The following B3GALT1 variants were observed in gnomAD, a reference collection of about 807,000 sequenced individuals.
B3GALT1 encodes UDP-Gal:betaGlcNAc beta 1,3-galactosyltransferase, polypeptide 1.
Under a neutral mutation model 23.2 loss-of-function variants are expected in B3GALT1, and 10 were observed. The observed-to-expected ratio is 0.43, with a 90% confidence interval of 0.27 to 0.73. The LOEUF is 0.73. Among genes scored for constraint, B3GALT1 ranks in the 30% least tolerant of loss-of-function variants. The pLI is 0.21. For synonymous variants in B3GALT1, 156 were observed against 141.5 expected, an observed-to-expected ratio of 1.10 and a Z score of -0.73; for missense variants, 299 against 405.4, an observed-to-expected ratio of 0.74 and a Z score of 2.25.
chr2:167,685,612 G>A (rs926456757), intron 3 of B3GALT1, among the ~76,000 whole-genome samples: 11 of 152,130 alleles, frequency 7.2e-5, no homozygotes, highest in African/African-American at 2.7e-4. Context: ...ATGGAAACAG[G>A]CTGAAGGTAG....
chr2:167,586,456 T>C (rs1684586881), intron 2 of B3GALT1, among the ~76,000 whole-genome samples: 1 of 152,144 alleles, frequency 6.6e-6, no homozygotes, highest in Admixed American at 6.5e-5. Flanking sequence ...CCCGTCACCA[T>C]GCCTGGTTAA....
At chr2:167,678,343 C>T (rs1686465306) in intron 3 of B3GALT1, among the ~76,000 whole-genome samples, 1 of 152,030 alleles carries the variant, frequency 6.6e-6, no homozygotes, top group Non-Finnish European at 1.5e-5. Flanking sequence ...TGATAGTGTC[C>T]CCATTTTACA....
chr2:167,722,514 C>T (rs1687250431), intron 3 of B3GALT1, among the ~76,000 whole-genome samples: 1 of 152,074 alleles, frequency 6.6e-6, no homozygotes, highest in Non-Finnish European at 1.5e-5. Flanking sequence ...TTTTAATTAA[C>T]TTTCTATGTC....
intron 2 of B3GALT1, among the ~76,000 whole-genome samples, chr2:167,562,248 AT>A (rs1471808205): frequency 6.6e-6 from 1 of 152,252 alleles, no homozygotes; most frequent in Non-Finnish European, 1.5e-5. Flanking sequence ...CTTTGACAAA[AT>A]TCAACAACCC....
At chr2:167,818,493 T>G (rs1380852504) in intron 3 of B3GALT1, among the ~76,000 whole-genome samples, 179 bp from the exon 4 acceptor site, 1 of 152,168 alleles carries the variant, frequency 6.6e-6, no homozygotes, top group Non-Finnish European at 1.5e-5. Flanking sequence ...GAGGTTAATT[T>G]CTTCATTCTT....
At chr2:167,712,554 G>T (rs1398186104) in intron 3 of B3GALT1, among the ~76,000 whole-genome samples, 2 of 151,922 alleles carry the variant, frequency 1.3e-5, no homozygotes, top group East Asian at 3.9e-4. Context: ...TTTAAGTAAT[G>T]ATTTTTTAAA....
At chr2:167,293,519 G>C (rs762244569) in intron 1 of B3GALT1, among the ~76,000 whole-genome samples, 185 bp downstream of exon 1, 20 of 152,142 alleles carry the variant, frequency 1.3e-4, no homozygotes, top group Admixed American at 6.5e-5. Context: ...TCTCCCTTCC[G>C]CGCTCACAGA....
chr2:167,824,272 G>A (rs1277558874), intron 4 of B3GALT1, among the ~76,000 whole-genome samples: 1 of 152,198 alleles, frequency 6.6e-6, no homozygotes. Flanking sequence ...AACACATAAT[G>A]GCACAGAATG....
At chr2:167,469,884 A>G (rs1431314572) in intron 1 of B3GALT1, among the ~76,000 whole-genome samples, 1 of 152,202 alleles carries the variant, frequency 6.6e-6, no homozygotes, top group African/African-American at 2.4e-5. Flanking sequence ...GTCAGATGTT[A>G]TGCAGATTGT....
At chr2:167,701,835 A>G (rs1686886149) in intron 3 of B3GALT1, among the ~76,000 whole-genome samples, 1 of 152,178 alleles carries the variant, frequency 6.6e-6, no homozygotes, top group Non-Finnish European at 1.5e-5. Context: ...GCAGCCATCA[A>G]CATGCTACAT....
At chr2:167,670,901 C>A (rs1686314297) in intron 3 of B3GALT1, among the ~76,000 whole-genome samples, 2 of 151,922 alleles carry the variant, frequency 1.3e-5, no homozygotes, top group African/African-American at 4.8e-5. Context: ...TTTTAGGACA[C>A]CATGAAGCAA....
intron 1 of B3GALT1, among the ~76,000 whole-genome samples, chr2:167,372,753 G>GA (rs1348614071): frequency 1.3e-5 from 2 of 151,624 alleles, no homozygotes; most frequent in African/African-American, 4.8e-5. Flanking sequence ...AAGAAATCTA[G>GA]AAAAAATAAC....
chr2:167,437,056 T>G (rs1698796758), intron 1 of B3GALT1, among the ~76,000 whole-genome samples: 1 of 152,146 alleles, frequency 6.6e-6, no homozygotes, highest in Non-Finnish European at 1.5e-5. Flanking sequence ...ATCCCCAAGC[T>G]CCTTTCATTG....
At chr2:167,595,968 A>G (rs1684767459) in intron 2 of B3GALT1, among the ~76,000 whole-genome samples, 1 of 152,198 alleles carries the variant, frequency 6.6e-6, no homozygotes, top group African/African-American at 2.4e-5. Flanking sequence ...TGTAAGAGAA[A>G]GGCAAAGCTC....
chr2:167,357,865 CTA>C (rs748090639), intron 1 of B3GALT1, among the ~76,000 whole-genome samples: 7 of 152,134 alleles, frequency 4.6e-5, no homozygotes, highest in Non-Finnish European at 2.9e-5. Context: ...ATAGGTAAAA[CTA>C]TAAACATTTG....
intron 1 of B3GALT1, among the ~76,000 whole-genome samples, chr2:167,301,663 G>A (rs1362412817): frequency 6.6e-6 from 1 of 152,182 alleles, no homozygotes; most frequent in African/African-American, 2.4e-5. Flanking sequence ...CGATTCTCCT[G>A]CCTCAGCCTC....
chr2:167,556,530 G>A (rs1280645312), intron 2 of B3GALT1, among the ~76,000 whole-genome samples: 1 of 152,202 alleles, frequency 6.6e-6, no homozygotes, highest in South Asian at 2.1e-4. Context: ...AAAAAATTCT[G>A]CTGTTTTTAA....
chr2:167,692,091 G>T (rs72875092), intron 3 of B3GALT1, among the ~76,000 whole-genome samples: 1 of 152,056 alleles, frequency 6.6e-6, no homozygotes, highest in Non-Finnish European at 1.5e-5. Flanking sequence ...CTGTGGCCAG[G>T]TGTATTTGCC....
chr2:167,573,187 A>G (rs1320524438), intron 2 of B3GALT1, among the ~76,000 whole-genome samples: 1 of 151,786 alleles, frequency 6.6e-6, no homozygotes, highest in Non-Finnish European at 1.5e-5. Context: ...TCTGAAAATA[A>G]TTTCAGAAGA....
Sources: allele counts gnomAD v4.1 joint callset (sites outside exome capture counted in the v4.1 genomes callset), GRCh38; gene constraint gnomAD v4.1.1; transcripts MANE v1.5; gene names NCBI Gene and HGNC (gene_info 2026-07-23, HGNC 2026-07-21).